Variants in CALHM3 observed in about 807,000 individuals in gnomAD.
CALHM3 encodes calcium homeostasis modulator protein 3.
In CALHM3, 9 loss-of-function variants were observed where a neutral mutation model predicts 13.6. The ratio of observed to expected loss-of-function variants is 0.66; its 90% confidence interval spans 0.40 to 1.15. The LOEUF (loss-of-function observed/expected upper bound fraction) is 1.15. CALHM3 is among the 50% of genes most tolerant of loss of function. CALHM3 has a pLI of 0.01. For missense variants in CALHM3, 497 were observed against 463.4 expected, an observed-to-expected ratio of 1.07 and a Z score of -0.67; for synonymous variants, 231 against 213.2, an observed-to-expected ratio of 1.08 and a Z score of -0.73.
At chr10:103,475,425 T>G (rs1158208702) in intron 2 of CALHM3, among the ~76,000 whole-genome samples, 2 of 152,366 alleles carry the variant, frequency 1.3e-5, no homozygotes, top group Non-Finnish European at 2.9e-5. Context: ...CCGGTCTCAC[T>G]GCAAATTCCA....
chr10:103,477,328 T>G (rs557387278), intron 1 of CALHM3, among the ~76,000 whole-genome samples: 3 of 152,132 alleles, frequency 2.0e-5, no homozygotes, highest in Non-Finnish European at 4.4e-5. Flanking sequence ...CTGTGCCCAC[T>G]GGACCCCAGA....
Position 103,473,004 on chromosome 10 carries a change from G to C in CALHM3, c.*209C>G. 4.5e-6 allele frequency: 2 copies of C among 440,430 alleles called. No individual in the cohort carries two copies. Among genetic ancestry groups the C allele is most frequent in the Non-Finnish European group, 7.6e-6 (2 of 264,558 alleles). 27.3% of individuals were successfully genotyped at this position (440,430 alleles called of 1,614,324 possible). Reference sequence around the variant, plus strand: ...ACTGTCTGAACCTGTATTTAACAAGGCCCTCGGTGAACCGAGTCCACATTA... The same window carrying C: ...ACTGTCTGAACCTGTATTTAACAAGCCCCTCGGTGAACCGAGTCCACATTA... On this transcript the variant is annotated 3_prime_UTR_variant, in exon 3 of 3. Transcript: ENST00000369783.
chr10:103,474,450 T>TTTAC (rs57838677), intron 2 of CALHM3, among the ~76,000 whole-genome samples: 2 of 13,792 alleles, frequency 1.5e-4, no homozygotes, highest in African/African-American at 2.7e-4. Context: ...CTCTCATCTT[T>TTTAC]TTATTTATTT....
rs567324072 is a variant in CALHM3, at chr10:103,472,807, C to A, written c.*406G>T. ...AAGACAATTACACAAATGAAACTATCGAGGCAGCAGACTAAGGTCATTATT... is the reference window on the plus strand; with the variant it reads ...AAGACAATTACACAAATGAAACTATAGAGGCAGCAGACTAAGGTCATTATT... On this transcript the variant is annotated 3_prime_UTR_variant, in exon 3 of 3. Transcript: ENST00000369783. 1 of 173,646 alleles carries A rather than the reference C, an allele frequency of 5.8e-6. No homozygotes were observed. Among genetic ancestry groups the A allele is most frequent in the Non-Finnish European group, 1.2e-5 (1 of 83,024 alleles). 10.8% of individuals were successfully genotyped at this position (173,646 alleles called of 1,614,324 possible).
At chr10:103,476,685 A>G (rs1460808527) in intron 1 of CALHM3, 136 bp from the exon 2 acceptor site, 8 of 1,114,920 alleles carry the variant, frequency 7.2e-6, no homozygotes, top group African/African-American at 1.6e-5. Context: ...GGTCCCAGTG[A>G]CAGAGACAGG....
rs934767473 is a variant in CALHM3 at position 103,476,462 on chromosome 10, C to A, written c.375G>T (p.Val125=). The A allele has an allele frequency of 1.9e-6, 3 of 1,551,706 alleles. No homozygotes were observed. In the South Asian group the frequency reaches 3.6e-5, roughly 18 times the overall value. The change falls in exon 2 of 3, where the codon GTG becomes GTT. Residue 125 remains valine (V), a synonymous_variant. Transcript: ENST00000369783. ...GGTCCACAGAGCTGCTGAAGGCACA[C>A]ACGAAGCACTTCCCGTCAAGGAGGG... ...LLALLDGKCF[V]CAFSSSVDPE... is the part of the protein sequence containing the mutation.
Position 103,473,457 on chromosome 10 carries a change from G to A in CALHM3, c.791C>T (p.Ala264Val), listed in dbSNP as rs939423288. The A allele has an allele frequency of 6.5e-6, 10 of 1,530,532 alleles. No homozygotes were observed. The highest frequency in any genetic ancestry group is 1.7e-4 in the Middle Eastern group (1 of 5,956). 94.8% of individuals were successfully genotyped at this position (1,530,532 alleles called of 1,614,324 possible). ...LQARGLRRGNAGRRLELPAVP... is the reference protein window; with the variant it reads ...LQARGLRRGNVGRRLELPAVP... ...TGCGGGGAGCTCGAGTCTCCTGCCT[G>A]CATTGCCCCGGCGCAGCCCCCGCGC... Residue 264 changes from alanine to valine, a missense_variant, in exon 3 of 3, where the codon GCA becomes GTA. Ala to Val is a moderately conservative substitution (Grantham distance 64). Coordinates refer to ENST00000369783, the MANE Select transcript of CALHM3 (RefSeq NM_001129742.2).
rs769277044 is a variant in CALHM3, at chr10:103,473,463, C to G, written c.785G>C (p.Gly262Ala). 1 of 1,538,668 alleles carries G rather than the reference C, an allele frequency of 6.5e-7. No homozygotes were observed. Among genetic ancestry groups the G allele is most frequent in the Non-Finnish European group, 8.7e-7 (1 of 1,142,988 alleles). ...GAGCTCGAGTCTCCTGCCTGCATTGCCCCGGCGCAGCCCCCGCGCCTGCAG... is the reference window on the plus strand; with the variant it reads ...GAGCTCGAGTCTCCTGCCTGCATTGGCCCGGCGCAGCCCCCGCGCCTGCAG... ...SELQARGLRR[G>A]NAGRRLELPA... Residue 262 changes from glycine to alanine, a missense_variant, in exon 3 of 3, where the codon GGC (glycine) becomes GCC (alanine). By Grantham distance (60) the Gly-to-Ala change is moderately conservative. Coordinates refer to ENST00000369783, the MANE Select transcript of CALHM3 (RefSeq NM_001129742.2).
At chr10:103,478,604 C>G in intron 1 of CALHM3, 142 bp downstream of exon 1, 2 of 843,956 alleles carry the variant, frequency 2.4e-6, no homozygotes, top group Non-Finnish European at 3.5e-6. Flanking sequence ...AGAGGGCGCA[C>G]CTGGCAGTAC....
In CALHM3 at chr10:103,479,195, A is replaced by G; in HGVS notation, c.-163T>C. 1.3e-6 allele frequency: 1 copy of G among 780,686 alleles called. No homozygotes were observed. Among genetic ancestry groups the G allele is most frequent in the African/African-American group, 1.8e-5 (1 of 57,060 alleles). The allele number at this position is 780,686 out of a possible 1,614,324, so 48.4% of individuals were successfully genotyped here. On this transcript the variant is annotated 5_prime_UTR_variant, in exon 1 of 3. Transcript: ENST00000369783. ...AAGGAGGAAGCAGTGCCCAGGCCCC[A>G]GCCCAGGCTCCCGGGATCCAGTAGG...
chr10:103,473,841 G>A (rs892896427), intron 2 of CALHM3, 137 bp from the exon 3 acceptor site: 5 of 1,141,814 alleles, frequency 4.4e-6, no homozygotes, highest in South Asian at 3.5e-5. Flanking sequence ...TTTTCCAATG[G>A]ATTCAAATAC....
At chr10:103,477,815 C>T (rs1025471196) in intron 1 of CALHM3, among the ~76,000 whole-genome samples, 1 of 152,082 alleles carries the variant, frequency 6.6e-6, no homozygotes, top group Non-Finnish European at 1.5e-5. Flanking sequence ...TCAGGTGATC[C>T]ACTCGCCTCG....
rs773081036 is a variant in CALHM3 at position 103,476,463 on chromosome 10, A to G, written c.374T>C (p.Val125Ala). 1.2e-5 allele frequency: 18 copies of G among 1,551,686 alleles called. No homozygotes were observed. The highest frequency in any genetic ancestry group is 1.6e-5 in the Non-Finnish European group (18 of 1,146,990). Residue 125 changes from valine to alanine, a missense_variant, in exon 2 of 3, where the codon GTG becomes GCG. Val to Ala is a moderately conservative substitution (Grantham distance 64). Transcript: ENST00000369783. ...GTCCACAGAGCTGCTGAAGGCACAC[A>G]CGAAGCACTTCCCGTCAAGGAGGGC... ...LLALLDGKCFVCAFSSSVDPE... is the reference protein window; with the variant it reads ...LLALLDGKCFACAFSSSVDPE...
In CALHM3 at chr10:103,478,734, G is replaced by GACC; in HGVS notation, c.287+11_287+12insGGT. 1 of 1,510,536 alleles carries GACC rather than the reference G, an allele frequency of 6.6e-7. No individual in the cohort carries two copies. Among genetic ancestry groups the GACC allele is most frequent in the Non-Finnish European group, 8.9e-7 (1 of 1,125,262 alleles). 93.6% of individuals were successfully genotyped at this position (1,510,536 alleles called of 1,614,324 possible). A position where few individuals can be genotyped will look rare whatever the true frequency, so the allele number is the denominator to read the frequency against. On this transcript the variant is annotated intron_variant, in intron 1 of 2. Coordinates refer to ENST00000369783, the MANE Select transcript of CALHM3 (RefSeq NM_001129742.2). ...CAAAGCTCATGGGTCACTGAGTGGT[G>GACC]TGGGACCGCACCTGATGATGCCTGG...
Position 103,473,427 on chromosome 10 carries a change from G to A in CALHM3, c.821C>T (p.Pro274Leu). Residue 274 changes from proline to leucine, a missense_variant, in exon 3 of 3, where the codon CCT becomes CTT. Physicochemically the swap from Pro to Leu is moderately conservative, Grantham distance 98. Transcript: ENST00000369783. ...ACTATCCAGGCCTTCTGGGGGCTCA[G>A]GCACTGCGGGGAGCTCGAGTCTCCT... The part of the protein sequence containing the change: ...AGRRLELPAV[P>L]EPPEGLDSGS... 6.6e-7 allele frequency: 1 copy of A among 1,524,554 alleles called. No homozygotes were observed. The highest frequency in any genetic ancestry group is 2.5e-5 in the East Asian group (1 of 40,594). The allele number at this position is 1,524,554 out of a possible 1,614,324, so 94.4% of individuals were successfully genotyped here.
In CALHM3 at chr10:103,473,524, A is replaced by G; in HGVS notation, c.724T>C (p.Cys242Arg). 6.4e-7 allele frequency: 1 copy of G among 1,551,186 alleles called. No individual in the cohort carries two copies. The highest frequency in any genetic ancestry group is 8.7e-7 in the Non-Finnish European group (1 of 1,147,004). Residue 242 changes from cysteine to arginine, a missense_variant, in exon 3 of 3, where the codon TGC (cysteine) becomes CGC (arginine). By Grantham distance (180) the Cys-to-Arg change is radical. Coordinates refer to ENST00000369783, the MANE Select transcript of CALHM3 (RefSeq NM_001129742.2). ...ATGCTGGCAAAGAAGTGCAGCACGCAGCGGTGCGCGAAGTCCCGCGCATGC... is the reference window on the plus strand; with the variant it reads ...ATGCTGGCAAAGAAGTGCAGCACGCGGCGGTGCGCGAAGTCCCGCGCATGC... The part of the protein sequence containing the change: ...CEHARDFAHR[C>R]VLHFFASMRS...
chr10:103,476,107 C>A (rs558358941), intron 2 of CALHM3, among the ~76,000 whole-genome samples, 187 bp downstream of exon 2: 2 of 152,296 alleles, frequency 1.3e-5, no homozygotes, highest in Non-Finnish European at 2.9e-5. Context: ...TATTATTTCT[C>A]ACGGGTGGGA....
chr10:103,478,610 A>G, intron 1 of CALHM3, 136 bp downstream of exon 1: 1 of 899,272 alleles, frequency 1.1e-6, no homozygotes, highest in Non-Finnish European at 1.6e-6. Flanking sequence ...CGCACCTGGC[A>G]GTACCTGTAG....
At chr10:103,474,009 TC>T (rs2033360712) in intron 2 of CALHM3, among the ~76,000 whole-genome samples, 1 of 152,206 alleles carries the variant, frequency 6.6e-6, no homozygotes, top group Non-Finnish European at 1.5e-5. Flanking sequence ...TATCCCTGTG[TC>T]CTTGTAAATT....
Sources: gnomAD v4.1 joint callset for allele counts (sites outside exome capture counted in the v4.1 genomes callset) on GRCh38, gnomAD v4.1.1 for gene constraint, MANE v1.5 for transcripts, NCBI Gene and HGNC (gene_info 2026-07-23, HGNC 2026-07-21) for gene names.